Variants in NCS1 observed in about 807,000 individuals in gnomAD.
The protein encoded by NCS1 is frequenin homolog.
A neutral mutation model predicts 28.4 loss-of-function variants in NCS1; 6 were observed. That is an observed-to-expected ratio of 0.21 (90% CI 0.12 to 0.42). The LOEUF is 0.42. Among genes scored for constraint, NCS1 ranks in the 10% least tolerant of loss-of-function variants. NCS1 has a pLI of 1.00. For synonymous variants in NCS1, 86 were observed against 99.3 expected (o/e 0.87, Z 0.79); for missense variants, 131 against 241.4 (o/e 0.54, Z 3.03).
chr9:130,214,429 A>G (rs1554909117), intron 2 of NCS1, among the ~76,000 whole-genome samples: 1 of 152,208 alleles, frequency 6.6e-6, no homozygotes, highest in Admixed American at 6.5e-5. Context: ...GAATGCAAGG[A>G]AGTGAGGCTT....
intron 1 of NCS1, among the ~76,000 whole-genome samples, chr9:130,196,415 G>T (rs531411758): frequency 6.6e-6 from 1 of 152,312 alleles, no homozygotes; most frequent in East Asian, 1.9e-4. Flanking sequence ...GGCTGCAGGC[G>T]TCTTGACCCT....
At position 130,215,340 on chromosome 9, in the gene NCS1, C is replaced by A. The variant is rs946618369; in HGVS notation, c.90-2492C>A. ...GACGGGGGTGGCTGTGTCCCTTCCTCCTGCTGTGGGAAGGGACTTGAGATC... is the reference window on the plus strand; with the variant it reads ...GACGGGGGTGGCTGTGTCCCTTCCTACTGCTGTGGGAAGGGACTTGAGATC... On this transcript the variant is annotated intron_variant, in intron 2 of 7. Coordinates refer to ENST00000372398, the MANE Select transcript of NCS1 (RefSeq NM_014286.4). The surrounding 1 kb of genome is among the most constrained non-coding windows in gnomAD (Gnocchi z 4.2). Among the ~76,000 whole-genome samples the A allele has an allele frequency of 2.6e-5, 4 of 152,170 alleles. No homozygotes were observed. The highest frequency in any genetic ancestry group is 5.9e-5 in the Non-Finnish European group (4 of 68,028).
In NCS1 at chr9:130,232,873, A is replaced by T. The variant is rs1485106171; in HGVS notation, c.*18-117A>T. On this transcript the variant is annotated intron_variant, in intron 7 of 7. Transcript: ENST00000372398. This position sits in a 1 kb window ranked among gnomAD's most constrained non-coding sequence, Gnocchi z 4.4. Reference sequence around the variant, plus strand: ...TTTAGGACTTCTGACATAGAATGCCAGCTTGCCATCTATCGACCTTCCTGC... The same window carrying T: ...TTTAGGACTTCTGACATAGAATGCCTGCTTGCCATCTATCGACCTTCCTGC... 1.3e-5 allele frequency: 2 copies of T among 152,570 alleles called. No individual in the cohort carries two copies. Among genetic ancestry groups the T allele is most frequent in the Non-Finnish European group, 2.9e-5 (2 of 68,060 alleles). 9.5% of individuals were successfully genotyped at this position (152,570 alleles called of 1,614,324 possible).
At position 130,226,412 on chromosome 9, in the gene NCS1, G is replaced by A. The variant is rs1264612111; in HGVS notation, c.498G>A (p.Leu166=). The A allele has an allele frequency of 5.0e-6, 8 of 1,614,010 alleles. No individual in the cohort carries two copies. Among genetic ancestry groups the A allele is most frequent in the Non-Finnish European group, 6.8e-6 (8 of 1,180,002 alleles). ...MDKNADGKLT[L]QEFQEGSKAD... is the part of the protein sequence containing the mutation. ...AGAATGCCGACGGGAAGCTGACCCT[G>A]CAGGAGTTCCAGGAGGGTTCCAAGG... The change falls in exon 7 of 8, where the codon CTG becomes CTA. Residue 166 remains leucine, a synonymous_variant. Coordinates refer to ENST00000372398, the MANE Select transcript of NCS1 (RefSeq NM_014286.4). The surrounding 1 kb of genome is among the most constrained non-coding windows in gnomAD (Gnocchi z 4.8).
intron 2 of NCS1, among the ~76,000 whole-genome samples, chr9:130,207,447 CTG>C (rs1833040626): frequency 1.3e-5 from 2 of 152,240 alleles, no homozygotes; most frequent in Admixed American, 6.5e-5. Context: ...GCTAAGGAGA[CTG>C]TGGCCTCCAG....
At chr9:130,203,915 G>A (rs963839752) in intron 2 of NCS1, among the ~76,000 whole-genome samples, 26 of 152,178 alleles carry the variant, frequency 1.7e-4, no homozygotes, top group Non-Finnish European at 8.8e-5. Context: ...TCCTGGAGCC[G>A]CAGACAGCAG....
chr9:130,189,879 A>AAAAAAATAT (rs1554906056), intron 1 of NCS1, among the ~76,000 whole-genome samples: 1 of 37,748 alleles, frequency 2.6e-5, no homozygotes, highest in Admixed American at 4.2e-4. Flanking sequence ...AAAAAAAAAA[A>AAAAAAATAT]ATATATATAT....
chr9:130,192,294 G>A lies in NCS1; in HGVS notation c.65-8664G>A, dbSNP rs2131127860. Reference sequence around the variant, plus strand: ...CTCTGAGCTTGGAGGCAGTGCCGCCGAGCACTCCATTTTAGAGAAGAGGCT... The same window carrying A: ...CTCTGAGCTTGGAGGCAGTGCCGCCAAGCACTCCATTTTAGAGAAGAGGCT... On this transcript the variant is annotated intron_variant, in intron 1 of 7. Transcript: ENST00000372398. This position sits in a 1 kb window ranked among gnomAD's most constrained non-coding sequence, Gnocchi z 4.8. Among the ~76,000 whole-genome samples, 1 of 152,234 alleles carries A rather than the reference G, an allele frequency of 6.6e-6. No homozygotes were observed. Among genetic ancestry groups the A allele is most frequent in the African/African-American group, 2.4e-5 (1 of 41,544 alleles).
intron 2 of NCS1, among the ~76,000 whole-genome samples, chr9:130,206,358 G>A (rs985896394): frequency 2.7e-4 from 41 of 151,120 alleles, no homozygotes; most frequent in African/African-American, 9.7e-4. Context: ...TCTCACCGTG[G>A]CCTCCAGCTG....
intron 7 of NCS1, among the ~76,000 whole-genome samples, chr9:130,227,762 T>C (rs1554911603): frequency 1.3e-5 from 2 of 152,236 alleles, no homozygotes; most frequent in Non-Finnish European, 2.9e-5. Flanking sequence ...AAACAGCAGC[T>C]TAAGAACAAA....
intron 1 of NCS1, among the ~76,000 whole-genome samples, chr9:130,189,879 A>AAAAAT (rs1554906056): frequency 9.3e-4 from 35 of 37,750 alleles, no homozygotes; most frequent in African/African-American, 4.0e-3. Context: ...AAAAAAAAAA[A>AAAAAT]ATATATATAT....
In NCS1 at chr9:130,209,202, C is replaced by A. The variant is rs1833076642; in HGVS notation, c.89+8220C>A. On this transcript the variant is annotated intron_variant, in intron 2 of 7. Transcript: ENST00000372398. This position sits in a 1 kb window ranked among gnomAD's most constrained non-coding sequence, Gnocchi z 4.4. ...CTTGGGGTAATGCTTTATGATTTAT[C>A]CGTCTAGCAATCTCTGTCCCACCTT... Among the ~76,000 whole-genome samples the A allele has an allele frequency of 6.6e-6, 1 of 152,226 alleles. No homozygotes were observed. Among genetic ancestry groups the A allele is most frequent in the Non-Finnish European group, 1.5e-5 (1 of 68,038 alleles).
At chr9:130,182,492 C>A (rs1344494632) in intron 1 of NCS1, among the ~76,000 whole-genome samples, 1 of 152,214 alleles carries the variant, frequency 6.6e-6, no homozygotes, top group African/African-American at 2.4e-5. Context: ...AGAGGTTCTG[C>A]CTCCTGCAGG....
Position 130,172,424 on chromosome 9 carries a change from GCCACA to G in NCS1, c.-237_-233del, listed in dbSNP as rs1832490735. On this transcript the variant is annotated 5_prime_UTR_variant, in exon 1 of 8. Coordinates refer to ENST00000372398, the MANE Select transcript of NCS1 (RefSeq NM_014286.4). The stretch of plus-strand genomic sequence containing the variant: ...AGCCCAGTAACCAGGGACGACCGCG[GCCACA>G]CCGCGCCGGCGCCGGCGCCCAGCCC... 6.9e-6 allele frequency among the ~76,000 whole-genome samples: 1 copy of G among 145,744 alleles called. No individual in the cohort carries two copies. Among genetic ancestry groups the G allele is most frequent in the African/African-American group, 2.5e-5 (1 of 40,668 alleles).
rs181979759 is a variant in NCS1 at position 130,217,767 on chromosome 9, G to A, written c.90-65G>A. On this transcript the variant is annotated intron_variant, in intron 2 of 7. Transcript: ENST00000372398. ...CTTTCCTGGGCCCCGGGCAGGCGAT[G>A]TTGGTGGTGGGTGGGTGATGTTGGC... The A allele has an allele frequency of 2.4e-3, 3,813 of 1,611,230 alleles. 7 individuals carry two copies. The highest frequency in any genetic ancestry group is 3.0e-3 in the Non-Finnish European group (3,555 of 1,178,286).
At chr9:130,213,415 C>G (rs1199760949) in intron 2 of NCS1, among the ~76,000 whole-genome samples, 1 of 146,146 alleles carries the variant, frequency 6.8e-6, no homozygotes, top group Non-Finnish European at 1.5e-5. Flanking sequence ...GTAGCTGGGA[C>G]TTACAGGCGC....
intron 1 of NCS1, among the ~76,000 whole-genome samples, chr9:130,196,568 G>A (rs1333356631): frequency 2.0e-5 from 3 of 152,116 alleles, no homozygotes; most frequent in Admixed American, 1.3e-4. Flanking sequence ...GTGAAACCCC[G>A]TCTCTACCAA....
chr9:130,212,961 G>C (rs10988641), intron 2 of NCS1, among the ~76,000 whole-genome samples: 6 of 151,772 alleles, frequency 4.0e-5, no homozygotes, highest in African/African-American at 1.5e-4. Context: ...GGCTGGGGTG[G>C]CTGGGAAGGT....
At chr9:130,205,365 G>A (rs537201584) in intron 2 of NCS1, among the ~76,000 whole-genome samples, 54 of 152,040 alleles carry the variant, frequency 3.6e-4, no homozygotes, top group African/African-American at 1.3e-3. Flanking sequence ...CACTGTGGGG[G>A]CACTTCCCCT....
Sources: allele counts gnomAD v4.1 joint callset (sites outside exome capture counted in the v4.1 genomes callset), GRCh38; gene constraint gnomAD v4.1.1; non-coding constraint Gnocchi (gnomAD v3.1); transcripts MANE v1.5; gene names NCBI Gene and HGNC (gene_info 2026-07-23, HGNC 2026-07-21).